Variants in GAMT observed in about 807,000 individuals in gnomAD.
GAMT encodes the protein epididymis secretory protein Li 20.
Under a neutral mutation model 26.9 loss-of-function variants are expected in GAMT, and 26 were observed. That is an observed-to-expected ratio of 0.97 (90% CI 0.71 to 1.34). The LOEUF is 1.34. Ranked by LOEUF, GAMT falls within the 40% of genes most tolerant of loss-of-function variation. GAMT has a pLI of 0.00. For missense variants in GAMT, 412 were observed against 345.0 expected, an observed-to-expected ratio of 1.19 and a Z score of -1.54; for synonymous variants, 169 against 149.6, an observed-to-expected ratio of 1.13 and a Z score of -0.95.
At position 1,399,254 on chromosome 19, in the gene GAMT, C is replaced by CA; in HGVS notation, c.392-60dup. ...CCGGGCTCAGCGCCTCACCCAGCCT[C>CA]ACCCGGCTCATCCCCCAGCGGGTGG... On this transcript the variant is annotated intron_variant, in intron 3 of 5. Coordinates refer to ENST00000252288, the MANE Select transcript of GAMT (RefSeq NM_000156.6). This position sits in a 1 kb window ranked among gnomAD's most constrained non-coding sequence, Gnocchi z 6.2. The CA allele has an allele frequency of 6.4e-7, 1 of 1,572,902 alleles. No homozygotes were observed.
chr19:1,400,030 G>A, intron 1 of GAMT, 92 bp from the exon 2 acceptor site: 1 of 1,471,412 alleles, frequency 6.8e-7, no homozygotes, highest in East Asian at 2.4e-5. Flanking sequence ...GGGCTGGGGA[G>A]ACTGCCTGGA....
Position 1,399,720 on chromosome 19 carries a change from C to A in GAMT, c.327+73G>T, listed in dbSNP as rs907295244. Reference sequence around the variant, plus strand: ...TCCTCCACCTCTGACAGCCCCAGGCCCCCAACCCCCAGGAAGCAGTGCCCT... The same window carrying A: ...TCCTCCACCTCTGACAGCCCCAGGCACCCAACCCCCAGGAAGCAGTGCCCT... On this transcript the variant is annotated intron_variant, in intron 2 of 5. Coordinates refer to ENST00000252288, the MANE Select transcript of GAMT (RefSeq NM_000156.6). This position sits in a 1 kb window ranked among gnomAD's most constrained non-coding sequence, Gnocchi z 6.2. 6.5e-7 allele frequency: 1 copy of A among 1,529,952 alleles called. No homozygotes were observed. 94.8% of individuals were successfully genotyped at this position (1,529,952 alleles called of 1,614,324 possible).
At chr19:1,401,028 T>G (rs2082630557) in intron 1 of GAMT, among the ~76,000 whole-genome samples, 1 of 152,196 alleles carries the variant, frequency 6.6e-6, no homozygotes, top group Non-Finnish European at 1.5e-5. Context: ...GGTCTCACGT[T>G]TGAGGTCCCC....
Position 1,401,428 on chromosome 19 carries a change from T to G in GAMT, c.49A>C (p.Ser17Arg). Residue 17 changes from serine to arginine, a missense_variant, in exon 1 of 6, where the codon AGC becomes CGC. By Grantham distance (110) the Ser-to-Arg change is moderately radical (BLOSUM62 -1). Transcript: ENST00000252288. ...GCGGGCGCCGCCCCCCACGCGGGGCTGCAGTTCTCGCCGGGCGCGAAGATG... is the reference window on the plus strand; with the variant it reads ...GCGGGCGCCGCCCCCCACGCGGGGCGGCAGTTCTCGCCGGGCGCGAAGATG... The part of the protein sequence containing the change: ...TPIFAPGENC[S>R]PAWGAAPAAY... The G allele has an allele frequency of 7.0e-7, 1 of 1,432,196 alleles. No individual in the cohort carries two copies. The highest frequency in any genetic ancestry group is 9.1e-7 in the Non-Finnish European group (1 of 1,093,262). The allele number at this position is 1,432,196 out of a possible 1,614,324, so 88.7% of individuals were successfully genotyped here.
rs779010079 is a variant in GAMT, at chr19:1,401,255, C to T, written c.181+41G>A. The T allele has an allele frequency of 4.3e-6, 6 of 1,384,946 alleles. No individual in the cohort carries two copies. The East Asian group carries it at 1.2e-4, about 27-fold the overall frequency. 85.8% of individuals were successfully genotyped at this position (1,384,946 alleles called of 1,614,324 possible). A position where few individuals can be genotyped will look rare whatever the true frequency, so the allele number is the denominator to read the frequency against. On this transcript the variant is annotated intron_variant, in intron 1 of 5. Transcript: ENST00000252288. Reference sequence around the variant, plus strand: ...TCGGGGCAGCCCCGGCCTCAGTTTCCCCTGCGCCCCCGGGGGCGGTGCAGG... The same window carrying T: ...TCGGGGCAGCCCCGGCCTCAGTTTCTCCTGCGCCCCCGGGGGCGGTGCAGG...
In GAMT at chr19:1,397,223, G is replaced by T. The variant is rs566649324; in HGVS notation, c.*136C>A. ...AGCTGGGATCAGCCCTGGGCTGGTG[G>T]GACCCCTCACAGAGAAGCCGGGAAA... On this transcript the variant is annotated 3_prime_UTR_variant, in exon 6 of 6. Coordinates refer to ENST00000252288, the MANE Select transcript of GAMT (RefSeq NM_000156.6). 74 of 1,057,930 alleles carry T rather than the reference G, an allele frequency of 7.0e-5. No individual in the cohort carries two copies. The East Asian group carries it at 1.9e-3, about 27-fold the overall frequency. The allele number at this position is 1,057,930 out of a possible 1,614,324, so 65.5% of individuals were successfully genotyped here.
At position 1,399,053 on chromosome 19, in the gene GAMT, A is replaced by AGGACGGAGGTGGGGGTGT; in HGVS notation, c.460-45_460-28dup. On this transcript the variant is annotated intron_variant, in intron 4 of 5. Transcript: ENST00000252288. The surrounding 1 kb of genome is among the most constrained non-coding windows in gnomAD (Gnocchi z 6.2). ...TGTGGAAGGGGAGTGGCCAGTGGTC[A>AGGACGGAGGTGGGGGTGT]GGACGGAGGTGGGGGTGTGGGCAGA... The AGGACGGAGGTGGGGGTGT allele has an allele frequency of 2.5e-6, 4 of 1,613,332 alleles. No homozygotes were observed. The highest frequency in any genetic ancestry group is 3.4e-6 in the Non-Finnish European group (4 of 1,179,998).
At chr19:1,398,400 A>C in intron 5 of GAMT, 2 of 319,926 alleles carry the variant, frequency 6.3e-6, no homozygotes, top group Admixed American at 4.6e-5. Context: ...GCCCAGCCTG[A>C]TTTCCATTTT....
chr19:1,401,435 C>T lies in GAMT; in HGVS notation c.42G>A (p.Glu14=), dbSNP rs775018136. Residue 14 remains glutamate (E), a synonymous_variant, in exon 1 of 6, where the codon GAG becomes GAA. Coordinates refer to ENST00000252288, the MANE Select transcript of GAMT (RefSeq NM_000156.6). ...CCGCCCCCCACGCGGGGCTGCAGTT[C>T]TCGCCGGGCGCGAAGATGGGGGTCG... The part of the protein sequence containing the change: ...PSATPIFAPG[E]NCSPAWGAAP... 4 of 1,417,246 alleles carry T rather than the reference C, an allele frequency of 2.8e-6. No individual in the cohort carries two copies. The highest frequency in any genetic ancestry group is 1.8e-6 in the Non-Finnish European group (2 of 1,085,330). 87.8% of individuals were successfully genotyped at this position (1,417,246 alleles called of 1,614,324 possible).
rs1262796024 is a variant in GAMT at position 1,401,438 on chromosome 19, G to A, written c.39C>T (p.Gly13=). The A allele has an allele frequency of 2.1e-6, 3 of 1,412,302 alleles. No individual in the cohort carries two copies. Among genetic ancestry groups the A allele is most frequent in the Non-Finnish European group, 2.8e-6 (3 of 1,082,862 alleles). 87.5% of individuals were successfully genotyped at this position (1,412,302 alleles called of 1,614,324 possible). The part of the protein sequence containing the change: ...APSATPIFAP[G]ENCSPAWGAA... ...CCCCCCACGCGGGGCTGCAGTTCTC[G>A]CCGGGCGCGAAGATGGGGGTCGCGC... The change falls in exon 1 of 6, where the codon GGC becomes GGT. Residue 13 remains glycine (G), a synonymous_variant. Coordinates refer to ENST00000252288, the MANE Select transcript of GAMT (RefSeq NM_000156.6).
chr19:1,400,165 G>T (rs1268454078), intron 1 of GAMT, among the ~76,000 whole-genome samples: 1 of 139,286 alleles, frequency 7.2e-6, no homozygotes. Context: ...GAGGGGGTGC[G>T]GGGCAGGGCT....
chr19:1,397,496 T>C lies in GAMT; in HGVS notation c.574A>G (p.Thr192Ala). Residue 192 changes from threonine (T) to alanine (A), a missense_variant, in exon 6 of 6, where the codon ACG becomes GCG. Thr to Ala is a moderately conservative substitution (Grantham distance 58). Transcript: ENST00000252288. The stretch of plus-strand genomic sequence containing the variant: ...GCCTCCAGCAGCGCGGGCACCTGCG[T>C]CTCCTGGTCGGGGATGGCACCAGGT... ...YSDITIMFEE[T>A]QVPALLEAGF... 1 of 1,603,392 alleles carries C rather than the reference T, an allele frequency of 6.2e-7. No homozygotes were observed. The highest frequency in any genetic ancestry group is 8.5e-7 in the Non-Finnish European group (1 of 1,179,782).
rs1374777721 is a variant in GAMT, at chr19:1,399,023, G to C, written c.463C>G (p.His155Asp). The C allele has an allele frequency of 1.2e-6, 2 of 1,613,354 alleles. No homozygotes were observed. Among genetic ancestry groups the C allele is most frequent in the Admixed American group, 3.3e-5 (2 of 60,002 alleles). Residue 155 changes from histidine to aspartate, a missense_variant, in exon 5 of 6, where the codon CAC becomes GAC. Physicochemically the swap from His to Asp is moderately conservative, Grantham distance 81 (BLOSUM62 -1). Coordinates refer to ENST00000252288, the MANE Select transcript of GAMT (RefSeq NM_000156.6). The surrounding 1 kb of genome is among the most constrained non-coding windows in gnomAD (Gnocchi z 6.2). ...HTHQFNFIKN[H>D]AFRLLKPGGV... ...CCCGGCTTCAGCAGGCGAAAGGCGTGGTTCTGTGGAAGGGGAGTGGCCAGT... is the reference window on the plus strand; with the variant it reads ...CCCGGCTTCAGCAGGCGAAAGGCGTCGTTCTGTGGAAGGGGAGTGGCCAGT...
In GAMT at chr19:1,399,359, C is replaced by T. The variant is rs2082619835; in HGVS notation, c.392-164G>A. Among the ~76,000 whole-genome samples, 2 of 152,180 alleles carry T rather than the reference C, an allele frequency of 1.3e-5. No homozygotes were observed. Among genetic ancestry groups the T allele is most frequent in the Non-Finnish European group, 2.9e-5 (2 of 68,012 alleles). On this transcript the variant is annotated intron_variant, in intron 3 of 5. Coordinates refer to ENST00000252288, the MANE Select transcript of GAMT (RefSeq NM_000156.6). The surrounding 1 kb of genome is among the most constrained non-coding windows in gnomAD (Gnocchi z 6.2). ...AACCCCGAGATCGCCTCCAGGGCCCCTCCGTGAGCATGCCCATCCCCGGTG... is the reference window on the plus strand; with the variant it reads ...AACCCCGAGATCGCCTCCAGGGCCCTTCCGTGAGCATGCCCATCCCCGGTG...
chr19:1,399,715 C>A lies in GAMT; in HGVS notation c.327+78G>T. On this transcript the variant is annotated intron_variant, in intron 2 of 5. Coordinates refer to ENST00000252288, the MANE Select transcript of GAMT (RefSeq NM_000156.6). This position sits in a 1 kb window ranked among gnomAD's most constrained non-coding sequence, Gnocchi z 6.2. ...CCACCTCCTCCACCTCTGACAGCCC[C>A]AGGCCCCCAACCCCCAGGAAGCAGT... The A allele has an allele frequency of 1.3e-6, 2 of 1,529,770 alleles. No homozygotes were observed. Among genetic ancestry groups the A allele is most frequent in the East Asian group, 2.4e-5 (1 of 40,848 alleles). 94.8% of individuals were successfully genotyped at this position (1,529,770 alleles called of 1,614,324 possible).
Position 1,399,438 on chromosome 19 carries a change from C to T in GAMT, c.391+86G>A. 4.6e-6 allele frequency: 6 copies of T among 1,293,908 alleles called. No individual in the cohort carries two copies. Among genetic ancestry groups the T allele is most frequent in the Non-Finnish European group, 6.5e-6 (6 of 916,594 alleles). 80.2% of individuals were successfully genotyped at this position (1,293,908 alleles called of 1,614,324 possible). A position where few individuals can be genotyped will look rare whatever the true frequency, so the allele number is the denominator to read the frequency against. The stretch of plus-strand genomic sequence containing the variant: ...CCACTTGGGCTCTGTCCCCCCAGTG[C>T]ACATCAGAGGGACCCCCACAAGCAA... On this transcript the variant is annotated intron_variant, in intron 3 of 5. Coordinates refer to ENST00000252288, the MANE Select transcript of GAMT (RefSeq NM_000156.6). The surrounding 1 kb of genome is among the most constrained non-coding windows in gnomAD (Gnocchi z 6.2).
At position 1,399,990 on chromosome 19, in the gene GAMT, C is replaced by A; in HGVS notation, c.182-52G>T. On this transcript the variant is annotated intron_variant, in intron 1 of 5. Coordinates refer to ENST00000252288, the MANE Select transcript of GAMT (RefSeq NM_000156.6). This position sits in a 1 kb window ranked among gnomAD's most constrained non-coding sequence, Gnocchi z 6.2. ...CACTAGGTGGGGCGGGCTTAGGAGGCTGCCTGGAGGAGGGGCACAGGGCAG... is the reference window on the plus strand; with the variant it reads ...CACTAGGTGGGGCGGGCTTAGGAGGATGCCTGGAGGAGGGGCACAGGGCAG... 6.4e-7 allele frequency: 1 copy of A among 1,565,776 alleles called. No individual in the cohort carries two copies. Among genetic ancestry groups the A allele is most frequent in the Non-Finnish European group, 8.6e-7 (1 of 1,160,462 alleles).
chr19:1,399,408 C>T lies in GAMT; in HGVS notation c.391+116G>A. The T allele has an allele frequency of 4.5e-6, 5 of 1,112,436 alleles. No individual in the cohort carries two copies. Among genetic ancestry groups the T allele is most frequent in the Non-Finnish European group, 6.6e-6 (5 of 755,992 alleles). The allele number at this position is 1,112,436 out of a possible 1,614,324, so 68.9% of individuals were successfully genotyped here. On this transcript the variant is annotated intron_variant, in intron 3 of 5. Transcript: ENST00000252288. This position sits in a 1 kb window ranked among gnomAD's most constrained non-coding sequence, Gnocchi z 6.2. The stretch of plus-strand genomic sequence containing the variant: ...TGCTCCGCCATCCCACAGCCAGGCC[C>T]ACACCCACTTGGGCTCTGTCCCCCC...
rs1428489209 is a variant in GAMT, at chr19:1,397,287, G to A, written c.*72C>T. The A allele has an allele frequency of 1.1e-5, 17 of 1,518,864 alleles. No homozygotes were observed. Among genetic ancestry groups the A allele is most frequent in the Non-Finnish European group, 1.5e-5 (17 of 1,125,248 alleles). The allele number at this position is 1,518,864 out of a possible 1,614,324, so 94.1% of individuals were successfully genotyped here. ...CACAGCTGGGATCAGCCCAGGGCTG[G>A]TGCGACACCCTGGACTCCCGGCCAG... On this transcript the variant is annotated 3_prime_UTR_variant, in exon 6 of 6. Transcript: ENST00000252288.
Sources: allele counts gnomAD v4.1 joint callset (sites outside exome capture counted in the v4.1 genomes callset), GRCh38; gene constraint gnomAD v4.1.1; non-coding constraint Gnocchi (gnomAD v3.1); transcripts MANE v1.5; gene names NCBI Gene and HGNC (gene_info 2026-07-23, HGNC 2026-07-21).